The following GRIA3 variants were observed in gnomAD, a reference collection of about 807,000 sequenced individuals.
GRIA3 encodes glutamate receptor 3.
In GRIA3, 3 loss-of-function variants were observed where a neutral mutation model predicts 63.0. The observed-to-expected ratio is 0.05, with a 90% CI of 0.02 to 0.12. The LOEUF (loss-of-function observed/expected upper bound fraction) is 0.12, where lower values mean the gene tolerates loss of function less well. Ranked by LOEUF, GRIA3 falls within the 10% of genes least tolerant of loss-of-function variation. The pLI is 1.00. For missense variants in GRIA3, 347 were observed against 700.9 expected (o/e 0.50, Z 5.70); for synonymous variants, 274 against 257.9 (o/e 1.06, Z -0.60).
rs34745333 is a variant in GRIA3, at chrX:123,489,082, TACAC to T, written c.*404_*407del. Reference sequence around the variant, plus strand: ...AGTATATAAACACCATGTTCTTTAATACACACACACACACACACACACACACACA... The same window carrying T: ...AGTATATAAACACCATGTTCTTTAATACACACACACACACACACACACACA... On this transcript the variant is annotated 3_prime_UTR_variant, in exon 16 of 16. Transcript: ENST00000620443. 0.13 allele frequency: 12,100 copies of T among 94,078 alleles called. 620 individuals are homozygous for T. The highest frequency in any genetic ancestry group is 0.16 in the South Asian group (273 of 1,757). 7.8% of individuals were successfully genotyped at this position (94,078 alleles called of 1,213,427 possible). A position where few individuals can be genotyped will look rare whatever the true frequency, so the allele number is the denominator to read the frequency against.
intron 3 of GRIA3, among the ~76,000 whole-genome samples, chrX:123,300,643 T>TTTG (rs1313979017): frequency 2.7e-5 from 3 of 109,801 alleles, no homozygotes; most frequent in African/African-American, 9.9e-5. Flanking sequence ...TGTTTGTTTG[T>TTTG]TTGTTTGTTT....
intron 12 of GRIA3, among the ~76,000 whole-genome samples, chrX:123,456,501 G>T (rs2045762088): frequency 9.0e-6 from 1 of 110,968 alleles, no homozygotes; most frequent in Non-Finnish European, 1.9e-5. Context: ...TTAACTTAAA[G>T]AACTTAATTT....
chrX:123,283,702 C>G (rs1045694625), intron 3 of GRIA3, among the ~76,000 whole-genome samples: 1 of 112,446 alleles, frequency 8.9e-6, no homozygotes, highest in Non-Finnish European at 1.9e-5. Flanking sequence ...TCTAGATTCC[C>G]CTTCTCTGGG....
chrX:123,374,152 G>A (rs1282259315), intron 5 of GRIA3, among the ~76,000 whole-genome samples: 7 of 111,788 alleles, frequency 6.3e-5, no homozygotes, highest in African/African-American at 2.0e-4. Context: ...GTTTGTCAAA[G>A]ATCAGATGGT....
rs184592785 is a variant in GRIA3, at chrX:123,385,280, G to A, written c.751-9688G>A. Reference sequence around the variant, plus strand: ...TATCCTTTCACCATTGCTTGTTTTTGTCAGTTTTGCTGAAGATCAGATGGT... The same window carrying A: ...TATCCTTTCACCATTGCTTGTTTTTATCAGTTTTGCTGAAGATCAGATGGT... On this transcript the variant is annotated intron_variant, in intron 5 of 15. Transcript: ENST00000620443. Among the ~76,000 whole-genome samples, 224 of 111,878 alleles carry A rather than the reference G, an allele frequency of 2.0e-3. 2 individuals are homozygous for A. The highest frequency in any genetic ancestry group is 7.1e-3 in the African/African-American group (218 of 30,759).
rs775074856 is a variant in GRIA3 at position 123,360,462 on chromosome X, C to T, written c.750+5499C>T. ...CTTTGGGAGGCCGAGGTGGGTGGATCACGAGGTCAGCAGTTCAAGACCAGC... is the reference window on the plus strand; with the variant it reads ...CTTTGGGAGGCCGAGGTGGGTGGATTACGAGGTCAGCAGTTCAAGACCAGC... On this transcript the variant is annotated intron_variant, in intron 5 of 15. Coordinates refer to ENST00000620443, the MANE Select transcript of GRIA3 (RefSeq NM_007325.5). 1.2e-3 allele frequency among the ~76,000 whole-genome samples: 122 copies of T among 97,881 alleles called. 2 individuals carry two copies. The highest frequency in any genetic ancestry group is 5.6e-3 in the Middle Eastern group (1 of 180). 85.0% of individuals were successfully genotyped at this position (97,881 alleles called of 115,157 possible).
In GRIA3 at chrX:123,210,019, C is replaced by T. The variant is rs191725748; in HGVS notation, c.268+24029C>T. Among the ~76,000 whole-genome samples, 30 of 109,601 alleles carry T rather than the reference C, an allele frequency of 2.7e-4. No individual in the cohort carries two copies. In the East Asian group the frequency reaches 7.7e-3, roughly 28 times the overall value. ...TTTGTTTGTTGGTTGGTTTGTTTTT[C>T]TCTAGGAGGTGTTGTTGGTTTGGAG... is the stretch of plus-strand genomic sequence containing the variant. On this transcript the variant is annotated intron_variant, in intron 2 of 15. Coordinates refer to ENST00000620443, the MANE Select transcript of GRIA3 (RefSeq NM_007325.5).
intron 12 of GRIA3, among the ~76,000 whole-genome samples, chrX:123,458,851 T>C (rs2045777240): frequency 8.9e-6 from 1 of 111,779 alleles, no homozygotes; most frequent in Non-Finnish European, 1.9e-5. Flanking sequence ...TTTTTGTTGA[T>C]GGCAGACCCT....
At chrX:123,376,045 T>C (rs1873253326) in intron 5 of GRIA3, among the ~76,000 whole-genome samples, 1 of 111,983 alleles carries the variant, frequency 8.9e-6, no homozygotes, top group Non-Finnish European at 1.9e-5. Context: ...AGCCAACCTG[T>C]AAAGTTTATG....
chrX:123,256,538 C>T (rs1018543181), intron 3 of GRIA3, among the ~76,000 whole-genome samples: 20 of 111,244 alleles, frequency 1.8e-4, no homozygotes, highest in African/African-American at 6.5e-4. Flanking sequence ...ATAGCAAGTG[C>T]AAAGGTCATG....
intron 5 of GRIA3, among the ~76,000 whole-genome samples, chrX:123,362,200 T>A (rs1266423116): frequency 2.7e-5 from 3 of 111,869 alleles, no homozygotes; most frequent in African/African-American, 9.8e-5. Flanking sequence ...AAACAGAGTG[T>A]ATTGTCCTTA....
At chrX:123,476,486 G>A (rs1345566929) in intron 13 of GRIA3, among the ~76,000 whole-genome samples, 5 of 111,548 alleles carry the variant, frequency 4.5e-5, no homozygotes, top group African/African-American at 6.5e-5. Flanking sequence ...TTCCTCTGCC[G>A]TCTCAGAAAT....
chrX:123,235,143 T>C (rs1166544315), intron 2 of GRIA3, among the ~76,000 whole-genome samples: 1 of 111,790 alleles, frequency 8.9e-6, no homozygotes, highest in African/African-American at 3.3e-5. Context: ...TAGCAGATCC[T>C]GTAACAATCA....
chrX:123,238,226 C>T (rs2147274044), intron 2 of GRIA3, among the ~76,000 whole-genome samples: 1 of 111,768 alleles, frequency 8.9e-6, no homozygotes, highest in South Asian at 3.8e-4. Context: ...CTAAGCACTC[C>T]CATCTGAGAC....
chrX:123,360,367 G>C (rs2045160934), intron 5 of GRIA3, among the ~76,000 whole-genome samples: 1 of 109,380 alleles, frequency 9.1e-6, no homozygotes, highest in Non-Finnish European at 1.9e-5. Context: ...AGTGATCAGA[G>C]ATAAAAAGGG....
intron 3 of GRIA3, chrX:123,253,797 A>C (rs2044404119): frequency 3.0e-6 from 1 of 332,218 alleles, no homozygotes; most frequent in African/African-American, 2.6e-5. Flanking sequence ...CCATAGTTGA[A>C]AAAGAACGCC....
chrX:123,215,334 T>C (rs1026071824), intron 2 of GRIA3, among the ~76,000 whole-genome samples: 1 of 112,048 alleles, frequency 8.9e-6, no homozygotes, highest in Non-Finnish European at 1.9e-5. Flanking sequence ...ATCTATAAAA[T>C]GAGAACAATT....
intron 2 of GRIA3, among the ~76,000 whole-genome samples, chrX:123,252,061 C>T (rs186675865): frequency 7.8e-4 from 87 of 111,960 alleles, no homozygotes; most frequent in African/African-American, 2.5e-3. Context: ...TGGTGCTCAA[C>T]GTCTTCACTG....
chrX:123,448,379 C>G (rs1050559317), intron 12 of GRIA3, among the ~76,000 whole-genome samples: 2 of 111,750 alleles, frequency 1.8e-5, no homozygotes, highest in Non-Finnish European at 3.8e-5. Context: ...ACCTACCCCC[C>G]TGTCTCTCAA....
Sources: allele counts gnomAD v4.1 joint callset (sites outside exome capture counted in the v4.1 genomes callset), GRCh38; gene constraint gnomAD v4.1.1; transcripts MANE v1.5; gene names NCBI Gene and HGNC (gene_info 2026-07-23, HGNC 2026-07-21).